The following PRKD2 variants were observed in gnomAD, a reference collection of about 807,000 sequenced individuals.
PRKD2 encodes the protein protein kinase D2, also known as serine/threonine-protein kinase D2.
Under a neutral mutation model 86.0 loss-of-function variants are expected in PRKD2, and 22 were observed. That is an observed-to-expected ratio of 0.26 (90% CI 0.18 to 0.37). The LOEUF (loss-of-function observed/expected upper bound fraction) is 0.37, where lower values mean the gene tolerates loss of function less well. Among genes scored for constraint, PRKD2 ranks in the 10% least tolerant of loss-of-function variants. The pLI is 1.00. For synonymous variants in PRKD2, 509 were observed against 510.9 expected (o/e 1.00, Z 0.05); for missense variants, 818 against 1,199.2 (o/e 0.68, Z 4.70).
chr19:46,681,470 C>T (rs2053306091), intron 15 of PRKD2, among the ~76,000 whole-genome samples, 180 bp downstream of exon 15: 1 of 151,748 alleles, frequency 6.6e-6, no homozygotes, highest in African/African-American at 2.4e-5. Flanking sequence ...GTTGCCCAGG[C>T]TGGTCTCAAA....
chr19:46,710,984 G>C lies in PRKD2; in HGVS notation c.434C>G (p.Ser145Cys). 1 of 1,578,796 alleles carries C rather than the reference G, an allele frequency of 6.3e-7. No individual in the cohort carries two copies. Among genetic ancestry groups the C allele is most frequent in the Non-Finnish European group, 8.6e-7 (1 of 1,162,342 alleles). The change falls in exon 3 of 18, where the codon TCC becomes TGC. Residue 145 changes from serine to cysteine, a missense_variant. By Grantham distance (112) the Ser-to-Cys change is moderately radical. Transcript: ENST00000291281. ...ATCACAGAAGGCAGGCGCCCGATAGGAGTGCACCGTGAGGGCGTGCGGGCG... is the reference window on the plus strand; with the variant it reads ...ATCACAGAAGGCAGGCGCCCGATAGCAGTGCACCGTGAGGGCGTGCGGGCG... Reference protein sequence around the residue: ...QIRPHALTVHSYRAPAFCDHC... With the variant: ...QIRPHALTVHCYRAPAFCDHC...
Position 46,681,745 on chromosome 19 carries a change from G to A in PRKD2, c.1975C>T (p.Leu659=). 1 of 1,608,024 alleles carries A rather than the reference G, an allele frequency of 6.2e-7. No homozygotes were observed. Among genetic ancestry groups the A allele is most frequent in the South Asian group, 1.1e-5 (1 of 90,944 alleles). ...RLTKFLITQI[L]VALRHLHFKN... ...AAGTGAAGGTGTCTCAAAGCCACCA[G>A]GATCTGAGGGGAGCAGATGGGCCCA... The change falls in exon 15 of 18, where the codon CTG becomes TTG. Residue 659 remains leucine (L), a synonymous_variant. Transcript: ENST00000291281.
intron 3 of PRKD2, among the ~76,000 whole-genome samples, chr19:46,705,080 G>C (rs1038823026): frequency 6.6e-6 from 1 of 151,606 alleles, no homozygotes; most frequent in Non-Finnish European, 1.5e-5. Context: ...TCCCTCCAAA[G>C]CTCCACCCCT....
Position 46,674,352 on chromosome 19 carries a change from G to C in PRKD2, c.*171C>G. The C allele has an allele frequency of 2.9e-6, 2 of 681,942 alleles. No homozygotes were observed. Among genetic ancestry groups the C allele is most frequent in the Non-Finnish European group, 4.8e-6 (2 of 413,136 alleles). 42.2% of individuals were successfully genotyped at this position (681,942 alleles called of 1,614,324 possible). A position where few individuals can be genotyped will look rare whatever the true frequency, so the allele number is the denominator to read the frequency against. On this transcript the variant is annotated 3_prime_UTR_variant, in exon 18 of 18. Coordinates refer to ENST00000291281, the MANE Select transcript of PRKD2 (RefSeq NM_016457.5). The stretch of plus-strand genomic sequence containing the variant: ...AGGCCATGGGGCCAGAGATGAGTCC[G>C]TTTTAATTGCTGGGGAAACAGGGAG...
intron 5 of PRKD2, among the ~76,000 whole-genome samples, chr19:46,703,958 A>AACACACACACACAC (rs10528388): frequency 0.11 from 14,590 of 133,458 alleles, 975 homozygotes; most frequent in Middle Eastern, 0.15. Context: ...AAACAACAAC[A>AACACACACACACAC]ACACACACAC....
In PRKD2 at chr19:46,716,670, T is replaced by G. The variant is rs1034233927; in HGVS notation, c.-300A>C. On this transcript the variant is annotated 5_prime_UTR_variant, in exon 1 of 18. Transcript: ENST00000291281. This position sits in a 1 kb window ranked among gnomAD's most constrained non-coding sequence, Gnocchi z 7.9. ...CCAAGAAGCCTGAGAGGAAATCTAG[T>G]AGGTCGGGGTCACAGGGATCAGGAG... is the stretch of plus-strand genomic sequence containing the variant. 4.0e-6 allele frequency: 1 copy of G among 251,626 alleles called. No homozygotes were observed. Among genetic ancestry groups the G allele is most frequent in the Non-Finnish European group, 7.5e-6 (1 of 132,846 alleles). 15.6% of individuals were successfully genotyped at this position (251,626 alleles called of 1,614,324 possible). A position where few individuals can be genotyped will look rare whatever the true frequency, so the allele number is the denominator to read the frequency against.
At chr19:46,696,845 G>T (rs776685437) in intron 9 of PRKD2, among the ~76,000 whole-genome samples, 10 of 152,176 alleles carry the variant, frequency 6.6e-5, no homozygotes, top group Non-Finnish European at 1.3e-4. Flanking sequence ...TAAGCCAATT[G>T]GTTTAGTGGA....
intron 15 of PRKD2, among the ~76,000 whole-genome samples, chr19:46,680,109 C>T (rs2053274284): frequency 6.6e-6 from 1 of 152,044 alleles, no homozygotes; most frequent in Non-Finnish European, 1.5e-5. Flanking sequence ...GGATAGAGCC[C>T]CAAATCCTTG....
At chr19:46,709,336 A>G (rs10423365) in intron 3 of PRKD2, 83,363 of 168,468 alleles carry the variant, frequency 0.49, 21,316 homozygotes, top group Middle Eastern at 0.67. Context: ...AAGAACTGGG[A>G]AGAGAAGGCC....
In PRKD2 at chr19:46,711,020, T is replaced by A; in HGVS notation, c.398A>T (p.Asp133Val). The A allele has an allele frequency of 1.3e-6, 2 of 1,581,796 alleles. No individual in the cohort carries two copies. ...GAGGGCGTGCGGGCGGATCTGGAAG[T>A]CCTCGAAGGTGGCCGAGGCTGTAGG... ...VVLSASATFE[D>V]FQIRPHALTV... The change falls in exon 3 of 18, where the codon GAC (aspartate) becomes GTC (valine). Residue 133 changes from aspartate (D) to valine (V), a missense_variant. Asp to Val is a radical substitution (Grantham distance 152). Around this residue, in one of 5 missense-constraint regions of PRKD2, gnomAD observed 403 missense variants for 518.6 expected, o/e 0.78. Coordinates refer to ENST00000291281, the MANE Select transcript of PRKD2 (RefSeq NM_016457.5).
At chr19:46,701,185 C>A in intron 5 of PRKD2, 73 bp from the exon 6 acceptor site, 1 of 1,482,946 alleles carries the variant, frequency 6.7e-7, no homozygotes, top group Non-Finnish European at 9.4e-7. Context: ...AACCTTGACC[C>A]TAAGCCTCAG....
chr19:46,690,481 C>T (rs1317296787), intron 13 of PRKD2, 119 bp downstream of exon 13: 4 of 812,020 alleles, frequency 4.9e-6, no homozygotes, highest in Non-Finnish European at 8.3e-6. Flanking sequence ...AACACCTTCT[C>T]CCCTTCAGTC....
rs1236442051 is a variant in PRKD2 at position 46,705,590 on chromosome 19, C to G, written c.512-941G>C. Among the ~76,000 whole-genome samples, 4 of 152,188 alleles carry G rather than the reference C, an allele frequency of 2.6e-5. No homozygotes were observed. The East Asian group carries it at 7.8e-4, about 30-fold the overall frequency. ...TCACTTGAGGTCAGGAGTTTGAGAC[C>G]ACACTGGCCAACATGGCAAAACCCC... On this transcript the variant is annotated intron_variant, in intron 3 of 17. Coordinates refer to ENST00000291281, the MANE Select transcript of PRKD2 (RefSeq NM_016457.5).
chr19:46,704,454 C>A (rs746307697), intron 4 of PRKD2, 41 bp downstream of exon 4: 4 of 1,613,722 alleles, frequency 2.5e-6, no homozygotes, highest in Admixed American at 1.7e-5. Context: ...GGCCAAGTCA[C>A]CCCCCTAGCC....
rs1452588326 is a variant in PRKD2, at chr19:46,697,214, G to A, written c.1260C>T (p.Arg420=). The change falls in exon 9 of 18, where the codon CGC becomes CGT. Residue 420 remains arginine (R), a synonymous_variant. Coordinates refer to ENST00000291281, the MANE Select transcript of PRKD2 (RefSeq NM_016457.5). The part of the protein sequence containing the change: ...KDTLRKRHYW[R]LDCKCITLFQ... Reference sequence around the variant, plus strand: ...AGAGCGTGATACACTTGCAGTCCAGGCGCCAATAGTGCCGCTTTCTCTGCA... The same window carrying A: ...AGAGCGTGATACACTTGCAGTCCAGACGCCAATAGTGCCGCTTTCTCTGCA... 1.3e-6 allele frequency: 2 copies of A among 1,597,268 alleles called. No individual in the cohort carries two copies.
Position 46,697,675 on chromosome 19 carries a change from G to T in PRKD2, c.1239+58C>A, listed in dbSNP as rs550268612. ...CCACCTAGCCCCGCCTACTCAAGCT[G>T]AGCCGCCCCTCTTCCAGCCTTCGCT... On this transcript the variant is annotated intron_variant, in intron 8 of 17. Transcript: ENST00000291281. The T allele has an allele frequency of 1.0e-4, 153 of 1,509,796 alleles. 1 individual carries two copies. The East Asian group carries it at 3.5e-3, about 34-fold the overall frequency. 93.5% of individuals were successfully genotyped at this position (1,509,796 alleles called of 1,614,324 possible). A position where few individuals can be genotyped will look rare whatever the true frequency, so the allele number is the denominator to read the frequency against.
rs869150137 is a variant in PRKD2, at chr19:46,702,031, G to GTT, written c.890-921_890-920dup. Among the ~76,000 whole-genome samples the GTT allele has an allele frequency of 2.2e-3, 264 of 122,138 alleles. 4 individuals are homozygous for GTT. The highest frequency in any genetic ancestry group is 5.2e-3 in the African/African-American group (182 of 34,728). The allele number at this position is 122,138 out of a possible 152,430, so 80.1% of individuals were successfully genotyped here. A position where few individuals can be genotyped will look rare whatever the true frequency, so the allele number is the denominator to read the frequency against. ...TATTTTATGAAGGTTCTATGATTCT[G>GTT]TTTTTTGTTTTTTTTTTTTTTTTTT... On this transcript the variant is annotated intron_variant, in intron 5 of 17. Coordinates refer to ENST00000291281, the MANE Select transcript of PRKD2 (RefSeq NM_016457.5).
intron 2 of PRKD2, among the ~76,000 whole-genome samples, chr19:46,712,742 C>G (rs758223776): frequency 6.6e-6 from 1 of 152,086 alleles, no homozygotes; most frequent in South Asian, 2.1e-4. Flanking sequence ...TGCAGTATGC[C>G]GGAGCAGCAG....
Position 46,704,498 on chromosome 19 carries a change from CTCTTCAGCCGT to C in PRKD2, c.652_662del (p.Thr218AlafsTer4). 3 of 1,614,194 alleles carry C rather than the reference CTCTTCAGCCGT, an allele frequency of 1.9e-6. No homozygotes were observed. The highest frequency in any genetic ancestry group is 2.5e-6 in the Non-Finnish European group (3 of 1,180,036). On this transcript the variant is annotated frameshift_variant, in exon 4 of 18. Coordinates refer to ENST00000291281, the MANE Select transcript of PRKD2 (RefSeq NM_016457.5). LOFTEE classifies it high-confidence loss of function. ...GTCCCATCCCCCATCTCCTCACCAG[CTCTTCAGCCGT>C]GCAGGGCAGGGACTCGGAGGTGCCG...
Sources: gnomAD v4.1 joint callset for allele counts (sites outside exome capture counted in the v4.1 genomes callset) on GRCh38, gnomAD v4.1.1 for gene constraint, gnomAD v4.1.1 regional missense constraint, Gnocchi (gnomAD v3.1) non-coding constraint, MANE v1.5 for transcripts, NCBI Gene and HGNC (gene_info 2026-07-23, HGNC 2026-07-21) for gene names.